Variants in CCDC30 observed in about 807,000 individuals in gnomAD.
The protein encoded by CCDC30 is coiled-coil domain containing 30.
In CCDC30, 70 loss-of-function variants were observed where a neutral mutation model predicts 100.2. The ratio of observed to expected loss-of-function variants is 0.70; its 90% CI spans 0.58 to 0.85. The LOEUF (loss-of-function observed/expected upper bound fraction) is 0.85. Ranked by LOEUF, CCDC30 falls within the 40% of genes least tolerant of loss-of-function variation. The pLI, the probability that CCDC30 is intolerant of heterozygous loss-of-function variation, is 0.00. For missense variants in CCDC30, 652 were observed against 771.2 expected, an observed-to-expected ratio of 0.85 and a Z score of 1.83; for synonymous variants, 233 against 269.5, an observed-to-expected ratio of 0.86 and a Z score of 1.33.
At chr1:42,478,411 A>C (rs556912430) in intron 1 of CCDC30, among the ~76,000 whole-genome samples, 2 of 152,316 alleles carry the variant, frequency 1.3e-5, no homozygotes, top group East Asian at 3.9e-4. Flanking sequence ...TCTAATACCA[A>C]CTACTCAATC....
At chr1:42,623,309 C>A (rs1158312266) in intron 11 of CCDC30, among the ~76,000 whole-genome samples, 1 of 152,168 alleles carries the variant, frequency 6.6e-6, no homozygotes, top group Admixed American at 6.5e-5. Flanking sequence ...AATTTTCTCA[C>A]AGACCAATAT....
intron 6 of CCDC30, among the ~76,000 whole-genome samples, chr1:42,510,964 G>T (rs1000503104): frequency 6.6e-6 from 1 of 152,046 alleles, no homozygotes; most frequent in African/African-American, 2.4e-5. Context: ...CAAAGTCTCA[G>T]GGTCAAAGGA....
At chr1:42,561,180 T>C (rs1284547352) in intron 6 of CCDC30, among the ~76,000 whole-genome samples, 1 of 152,232 alleles carries the variant, frequency 6.6e-6, no homozygotes, top group Non-Finnish European at 1.5e-5. Flanking sequence ...CCAATATCCC[T>C]GATGAACATC....
chr1:42,507,940 G>A (rs892849625), intron 6 of CCDC30, among the ~76,000 whole-genome samples: 28 of 152,094 alleles, frequency 1.8e-4, no homozygotes, highest in Non-Finnish European at 3.2e-4. Context: ...TAACTAAGAA[G>A]CATTACAGCT....
chr1:42,497,320 C>T (rs1644246032), intron 5 of CCDC30, 107 bp downstream of exon 5: 2 of 519,096 alleles, frequency 3.9e-6, no homozygotes, highest in Non-Finnish European at 3.0e-6. Context: ...TAGCAGGGAC[C>T]AATACTGGTG....
intron 9 of CCDC30, among the ~76,000 whole-genome samples, chr1:42,586,735 T>C (rs1368146818): frequency 6.6e-6 from 1 of 152,056 alleles, no homozygotes; most frequent in Non-Finnish European, 1.5e-5. Flanking sequence ...AGAAAAAATA[T>C]ATATATAAGA....
intron 6 of CCDC30, among the ~76,000 whole-genome samples, chr1:42,549,714 C>G (rs959485145): frequency 6.6e-6 from 1 of 152,126 alleles, no homozygotes; most frequent in African/African-American, 2.4e-5. Context: ...AAAATTTCCC[C>G]CTACTCCTAC....
chr1:42,499,111 A>G (rs1644269625), intron 6 of CCDC30, among the ~76,000 whole-genome samples, 195 bp downstream of exon 6: 1 of 152,210 alleles, frequency 6.6e-6, no homozygotes, highest in African/African-American at 2.4e-5. Context: ...TCTTCCTCAT[A>G]GAGAACAATT....
chr1:42,615,249 G>A (rs1267302813), intron 11 of CCDC30, among the ~76,000 whole-genome samples: 1 of 152,136 alleles, frequency 6.6e-6, no homozygotes, highest in South Asian at 2.1e-4. Flanking sequence ...TTTTCAAACT[G>A]GTTGCTGGAA....
intron 11 of CCDC30, among the ~76,000 whole-genome samples, chr1:42,627,403 T>C (rs1018639055): frequency 6.6e-6 from 1 of 152,168 alleles, no homozygotes; most frequent in Non-Finnish European, 1.5e-5. Context: ...AGACTGATGA[T>C]GCAATAGAAA....
At chr1:42,466,530 G>GT (rs1295809222) in intron 1 of CCDC30, among the ~76,000 whole-genome samples, 1 of 150,142 alleles carries the variant, frequency 6.7e-6, no homozygotes, top group South Asian at 2.1e-4. Flanking sequence ...GGACAGAATA[G>GT]TTTTTTTGTT....
chr1:42,482,276 A>G (rs1643972401), intron 2 of CCDC30, among the ~76,000 whole-genome samples: 1 of 152,104 alleles, frequency 6.6e-6, no homozygotes, highest in Non-Finnish European at 1.5e-5. Flanking sequence ...ATTTACAGAG[A>G]AGTGTTCCTG....
chr1:42,519,616 G>A (rs367804175), intron 6 of CCDC30, among the ~76,000 whole-genome samples: 154 of 152,172 alleles, frequency 1.0e-3, no homozygotes, highest in African/African-American at 3.0e-3. Context: ...CAATGATGCC[G>A]TCTCGGCTCA....
intron 6 of CCDC30, among the ~76,000 whole-genome samples, chr1:42,533,522 G>A (rs1158307398): frequency 6.6e-6 from 1 of 152,176 alleles, no homozygotes; most frequent in Admixed American, 6.5e-5. Flanking sequence ...GCTGATCCAG[G>A]TTTATCTGGC....
chr1:42,546,397 AAAATATATATATAT>A (rs1424074577), intron 6 of CCDC30, among the ~76,000 whole-genome samples: 4 of 4,286 alleles, frequency 9.3e-4, no homozygotes, highest in African/African-American at 1.9e-3. Context: ...AAAAAAAAAA[AAAATATATATATAT>A]ATATATATAT....
At chr1:42,554,339 G>A (rs962414501) in intron 6 of CCDC30, among the ~76,000 whole-genome samples, 2 of 147,384 alleles carry the variant, frequency 1.4e-5, no homozygotes, top group African/African-American at 5.1e-5. Flanking sequence ...GCGCAATAGT[G>A]CAATTTCTGC....
At chr1:42,511,565 C>T (rs144525762) in intron 6 of CCDC30, among the ~76,000 whole-genome samples, 54 of 152,140 alleles carry the variant, frequency 3.5e-4, no homozygotes, top group East Asian at 1.2e-3. Flanking sequence ...TTTTTCCTGC[C>T]GATGGGACAG....
intron 13 of CCDC30, among the ~76,000 whole-genome samples, chr1:42,643,798 A>T (rs1189201806): frequency 1.3e-5 from 2 of 152,230 alleles, no homozygotes; most frequent in African/African-American, 4.8e-5. Context: ...GTTACATTGC[A>T]TAAGTACATG....
chr1:42,456,991 C>T, the CCDC30 span: 1 of 1,602,464 alleles, frequency 6.2e-7, no homozygotes, highest in South Asian at 1.1e-5. Flanking sequence ...CGGCTGCAGG[C>T]ACCTTCCTGG....
Sources: allele counts gnomAD v4.1 joint callset (sites outside exome capture counted in the v4.1 genomes callset), GRCh38; gene constraint gnomAD v4.1.1; transcripts MANE v1.5; gene names NCBI Gene and HGNC (gene_info 2026-07-23, HGNC 2026-07-21).